The following KCNMB2 variants were observed in gnomAD, a reference collection of about 807,000 sequenced individuals.
The protein encoded by KCNMB2 is calcium-activated potassium channel subunit beta-2.
KCNMB2 carries 9 observed loss-of-function variants against 24.5 expected under a neutral mutation model. That is an observed-to-expected ratio of 0.37 (90% confidence interval 0.22 to 0.64). KCNMB2 has a LOEUF of 0.64. Among genes scored for constraint, KCNMB2 ranks in the 30% least tolerant of loss-of-function variants. The pLI is 0.63. For missense variants in KCNMB2, 226 were observed against 284.3 expected, an observed-to-expected ratio of 0.79 and a Z score of 1.47; for synonymous variants, 109 against 104.4, an observed-to-expected ratio of 1.04 and a Z score of -0.27.
intron 1 of KCNMB2, among the ~76,000 whole-genome samples, chr3:178,772,456 G>A (rs1712412867): frequency 6.6e-6 from 1 of 152,112 alleles, no homozygotes. Flanking sequence ...AGATCTGACA[G>A]TTTTAAAAAA....
At chr3:178,828,116 G>C in intron 3 of KCNMB2, 62 bp from the exon 4 acceptor site, 1 of 1,230,518 alleles carries the variant, frequency 8.1e-7, no homozygotes, top group Non-Finnish European at 1.2e-6. Context: ...AATTCCCTCG[G>C]ACTATACCTT....
At chr3:178,777,854 T>G (rs1266156016) in intron 1 of KCNMB2, among the ~76,000 whole-genome samples, 1 of 152,200 alleles carries the variant, frequency 6.6e-6, no homozygotes, top group East Asian at 1.9e-4. Context: ...GAGCTTAGGT[T>G]GATTTGTCAT....
intron 1 of KCNMB2, among the ~76,000 whole-genome samples, chr3:178,693,572 A>G (rs1267626891): frequency 6.6e-6 from 1 of 152,176 alleles, no homozygotes. Context: ...TATATGTTGA[A>G]CCAACCTTGC....
At chr3:178,830,206 G>A (rs1715001252) in intron 4 of KCNMB2, among the ~76,000 whole-genome samples, 1 of 152,080 alleles carries the variant, frequency 6.6e-6, no homozygotes, top group African/African-American at 2.4e-5. Context: ...TTATATAAAT[G>A]GAATCACATA....
intron 1 of KCNMB2, among the ~76,000 whole-genome samples, chr3:178,784,232 G>A (rs1713001798): frequency 6.6e-6 from 1 of 152,094 alleles, no homozygotes; most frequent in South Asian, 2.1e-4. Context: ...ATGTCTTCTT[G>A]CATCATAGCA....
chr3:178,701,811 C>A (rs894389389), intron 1 of KCNMB2, among the ~76,000 whole-genome samples: 10 of 152,150 alleles, frequency 6.6e-5, no homozygotes, highest in Non-Finnish European at 1.2e-4. Flanking sequence ...CACTTTTACA[C>A]TGTTGGTGGG....
intron 1 of KCNMB2, among the ~76,000 whole-genome samples, chr3:178,780,330 G>A (rs1418178099): frequency 6.6e-6 from 1 of 152,064 alleles, no homozygotes; most frequent in African/African-American, 2.4e-5. Flanking sequence ...GAACAATGCT[G>A]GCATTTTCTC....
chr3:178,750,166 C>T (rs984921789), intron 1 of KCNMB2, among the ~76,000 whole-genome samples: 2 of 151,944 alleles, frequency 1.3e-5, no homozygotes, highest in African/African-American at 4.8e-5. Flanking sequence ...TTAAAATAAT[C>T]CACTTACTCT....
intron 2 of KCNMB2, among the ~76,000 whole-genome samples, chr3:178,814,561 C>T (rs182266028): frequency 7.9e-4 from 120 of 152,276 alleles, no homozygotes; most frequent in African/African-American, 2.8e-3. Context: ...CTCCACACTG[C>T]TTTTCATAGA....
At chr3:178,554,566 GACCCAACTTGC>G in intron 1 of KCNMB2, among the ~76,000 whole-genome samples, 1 of 152,118 alleles carries the variant, frequency 6.6e-6, no homozygotes, top group East Asian at 1.9e-4. Context: ...TAGAACAAGT[GACCCAACTTGC>G]AAATTAATTT....
intron 1 of KCNMB2, among the ~76,000 whole-genome samples, chr3:178,779,860 C>A (rs1419975450): frequency 6.6e-6 from 1 of 151,962 alleles, no homozygotes. Context: ...TTCTACTATA[C>A]CATCCTCATT....
At chr3:178,801,641 G>A (rs935930559) in intron 1 of KCNMB2, among the ~76,000 whole-genome samples, 2 of 152,198 alleles carry the variant, frequency 1.3e-5, no homozygotes, top group East Asian at 3.9e-4. Flanking sequence ...AGCTAGATAA[G>A]AAGAAGGAAA....
At chr3:178,690,077 T>C (rs1420758640) in intron 1 of KCNMB2, among the ~76,000 whole-genome samples, 1 of 152,168 alleles carries the variant, frequency 6.6e-6, no homozygotes, top group East Asian at 1.9e-4. Context: ...AATCAGGAAA[T>C]GTGTTATTTC....
chr3:178,657,075 T>C (rs13083792), intron 1 of KCNMB2, among the ~76,000 whole-genome samples: 39,543 of 152,030 alleles, frequency 0.26, 5,769 homozygotes, highest in African/African-American at 0.39. Flanking sequence ...TGTTATTACA[T>C]TCCTGCAAAA....
intron 2 of KCNMB2, among the ~76,000 whole-genome samples, chr3:178,818,993 A>G (rs1048933382): frequency 2.0e-5 from 3 of 152,188 alleles, no homozygotes; most frequent in Admixed American, 6.5e-5. Flanking sequence ...ACTCTTAATC[A>G]TCACCATTTA....
At chr3:178,627,502 G>A (rs75917477) in intron 1 of KCNMB2, among the ~76,000 whole-genome samples, 10,117 of 152,200 alleles carry the variant, frequency 0.066, 431 homozygotes, top group East Asian at 0.12. Context: ...TTATAAAAGC[G>A]TGTGAGAAAT....
chr3:178,713,054 G>A (rs565828689), intron 1 of KCNMB2, among the ~76,000 whole-genome samples: 1 of 152,200 alleles, frequency 6.6e-6, no homozygotes, highest in Non-Finnish European at 1.5e-5. Flanking sequence ...GTTGGGAAAA[G>A]AGAGGAAGGG....
chr3:178,646,071 G>A (rs929774103), intron 1 of KCNMB2, among the ~76,000 whole-genome samples: 4 of 152,040 alleles, frequency 2.6e-5, no homozygotes, highest in African/African-American at 7.2e-5. Flanking sequence ...CAAGAGAAAC[G>A]TCTCATCTGA....
intron 1 of KCNMB2, among the ~76,000 whole-genome samples, chr3:178,800,614 T>G (rs991011728): frequency 7.2e-5 from 11 of 152,146 alleles, no homozygotes; most frequent in Admixed American, 5.9e-4. Flanking sequence ...TGGAAAACAG[T>G]TTGGAGTTTC....
Sources: allele counts gnomAD v4.1 joint callset (sites outside exome capture counted in the v4.1 genomes callset), GRCh38; gene constraint gnomAD v4.1.1; transcripts MANE v1.5; gene names NCBI Gene and HGNC (gene_info 2026-07-23, HGNC 2026-07-21).